The following SVIL variants were observed in gnomAD, a reference collection of about 807,000 sequenced individuals.
SVIL encodes supervillin.
A neutral mutation model predicts 240.4 loss-of-function variants in SVIL; 101 were observed. That is an observed-to-expected ratio of 0.42 (90% CI 0.36 to 0.50). SVIL has a LOEUF of 0.50. SVIL is among the 20% of genes least tolerant of loss of function. The pLI, the probability that SVIL is intolerant of heterozygous loss-of-function variation, is 0.01. For missense variants in SVIL, 2,512 were observed against 2,818.7 expected (o/e 0.89, Z 2.46); for synonymous variants, 999 against 1,100.0 (o/e 0.91, Z 1.82).
At chr10:29,664,627 A>G (rs1959195489) in intron 2 of SVIL, among the ~76,000 whole-genome samples, 1 of 152,184 alleles carries the variant, frequency 6.6e-6, no homozygotes. Context: ...TGTCAAATCA[A>G]CAAAACCATC....
chr10:29,704,284 C>G (rs1440270155), intron 1 of SVIL, among the ~76,000 whole-genome samples: 1 of 152,058 alleles, frequency 6.6e-6, no homozygotes, highest in Non-Finnish European at 1.5e-5. Context: ...CTTGCAGTGT[C>G]GTGTGTGTGT....
chr10:29,539,555 G>A (rs544696386), intron 6 of SVIL, among the ~76,000 whole-genome samples: 6 of 152,284 alleles, frequency 3.9e-5, no homozygotes, highest in East Asian at 1.9e-4. Flanking sequence ...ATGAGGAGAC[G>A]CCTAAATCAG....
intron 1 of SVIL, among the ~76,000 whole-genome samples, chr10:29,623,226 C>A (rs577318430): frequency 6.6e-6 from 1 of 152,330 alleles, no homozygotes; most frequent in South Asian, 2.1e-4. Context: ...TCAGCAGATG[C>A]AAAGTGCAAA....
chr10:29,734,180 C>G (rs1220148173), intron 1 of SVIL, among the ~76,000 whole-genome samples: 29 of 152,176 alleles, frequency 1.9e-4, no homozygotes, highest in Non-Finnish European at 1.5e-5. Context: ...CTCTTTGGAA[C>G]TGTCATAATT....
chr10:29,517,087 A>T (rs1950253149), intron 16 of SVIL, among the ~76,000 whole-genome samples: 1 of 152,124 alleles, frequency 6.6e-6, no homozygotes, highest in South Asian at 2.1e-4. Flanking sequence ...AATGAACTAA[A>T]GTGTCTTTTA....
At chr10:29,533,500 C>A in intron 7 of SVIL, 42 bp from the exon 8 acceptor site, 1 of 1,573,348 alleles carries the variant, frequency 6.4e-7, no homozygotes. Flanking sequence ...AGTGCAGTAA[C>A]GGCCTCACAG....
chr10:29,526,553 T>C (rs1330718148), intron 13 of SVIL, among the ~76,000 whole-genome samples: 2 of 152,206 alleles, frequency 1.3e-5, no homozygotes, highest in East Asian at 3.9e-4. Context: ...TCCACCTGCC[T>C]TGGCCTCTCA....
chr10:29,615,493 G>A (rs976610506), intron 1 of SVIL, among the ~76,000 whole-genome samples: 3 of 152,174 alleles, frequency 2.0e-5, no homozygotes, highest in Admixed American at 6.5e-5. Context: ...GTTATTCCTC[G>A]CTTGTCACCT....
chr10:29,731,989 C>T (rs7908314), intron 1 of SVIL, among the ~76,000 whole-genome samples: 2 of 152,172 alleles, frequency 1.3e-5, no homozygotes, highest in East Asian at 1.9e-4. Context: ...GACGGCCCAG[C>T]GCAGGTCTGG....
chr10:29,662,778 T>TAC (rs3040508), intron 2 of SVIL, among the ~76,000 whole-genome samples: 32,300 of 149,394 alleles, frequency 0.22, 3,589 homozygotes, highest in South Asian at 0.37. Context: ...TGTGCGCGCG[T>TAC]ACACACACAC....
chr10:29,471,815 T>C (rs1014197507), intron 30 of SVIL, among the ~76,000 whole-genome samples: 1 of 152,210 alleles, frequency 6.6e-6, no homozygotes, highest in East Asian at 1.9e-4. Flanking sequence ...AAAGAGGAAA[T>C]GTTTCCTGGA....
rs1205973951 is a variant in SVIL, at chr10:29,533,286, G to A, written c.1081C>T (p.Arg361Ter). 11 of 1,613,990 alleles carry A rather than the reference G, an allele frequency of 6.8e-6. No homozygotes were observed. The highest frequency in any genetic ancestry group is 2.2e-5 in the East Asian group (1 of 44,872). The change falls in exon 8 of 38, where the codon CGA becomes TGA. Residue 361 changes from arginine to a stop codon, truncating the protein, a stop_gained. Transcript: ENST00000355867. LOFTEE classifies it high-confidence loss of function. ...TGGACATAGCCACGGATTGGCTGTC[G>A]TGTAGAGCCTGCTGCCTTGCTGGGG... ...RVPSKAAGST[R>*]QPIRGYVQPA... is the part of the protein sequence containing the mutation.
intron 1 of SVIL, among the ~76,000 whole-genome samples, chr10:29,578,405 C>A (rs1317634295): frequency 6.6e-6 from 1 of 152,180 alleles, no homozygotes. Context: ...ATGAATGGCG[C>A]CTATGGCTCA....
At chr10:29,635,111 T>C (rs1347028283), upstream of SVIL, 1 of 152,150 alleles carries the variant, frequency 6.6e-6, no homozygotes, top group Non-Finnish European at 1.5e-5. Context: ...CTACTTCAAA[T>C]GCAATTAGGT....
At chr10:29,732,894 A>G (rs570821043) in intron 1 of SVIL, among the ~76,000 whole-genome samples, 1 of 151,282 alleles carries the variant, frequency 6.6e-6, no homozygotes, top group Non-Finnish European at 1.5e-5. Context: ...CTTGGCCATT[A>G]GAATACTGGG....
intron 17 of SVIL, chr10:29,507,810 G>C: frequency 1.0e-6 from 1 of 984,978 alleles, no homozygotes; most frequent in South Asian, 4.7e-5. Context: ...AGCATATACA[G>C]GTTCCTACAG....
intron 1 of SVIL, among the ~76,000 whole-genome samples, chr10:29,606,549 A>G (rs2132857591): frequency 6.6e-6 from 1 of 152,198 alleles, no homozygotes; most frequent in East Asian, 1.9e-4. Flanking sequence ...ACCTCTATAT[A>G]CTTCAATATG....
intron 1 of SVIL, among the ~76,000 whole-genome samples, chr10:29,731,399 T>C (rs1264888848): frequency 1.3e-5 from 2 of 152,204 alleles, no homozygotes; most frequent in Non-Finnish European, 2.9e-5. Context: ...CAAGGTACCC[T>C]CCAGCTCCAA....
At chr10:29,584,217 C>G (rs182137048) in intron 1 of SVIL, among the ~76,000 whole-genome samples, 8 of 152,162 alleles carry the variant, frequency 5.3e-5, no homozygotes, top group South Asian at 2.1e-4. Flanking sequence ...GAGGCCTAAC[C>G]GGGGCGTGGG....
Sources: gnomAD v4.1 joint callset for allele counts (sites outside exome capture counted in the v4.1 genomes callset) on GRCh38, gnomAD v4.1.1 for gene constraint, MANE v1.5 for transcripts, NCBI Gene and HGNC (gene_info 2026-07-23, HGNC 2026-07-21) for gene names.